Variants in KIAA1217 observed in about 807,000 individuals in gnomAD.
KIAA1217 encodes the protein KIAA1217, also known as sickle tail protein homolog.
Under a neutral mutation model 163.9 loss-of-function variants are expected in KIAA1217, and 88 were observed. The observed-to-expected ratio is 0.54, with a 90% CI of 0.45 to 0.64. The LOEUF (loss-of-function observed/expected upper bound fraction) is 0.64, where lower values mean the gene tolerates loss of function less well. Ranked by LOEUF, KIAA1217 falls within the 30% of genes least tolerant of loss-of-function variation. The pLI, the probability that KIAA1217 is intolerant of heterozygous loss-of-function variation, is 0.00. For missense variants in KIAA1217, 2,372 were observed against 2,475.0 expected, an observed-to-expected ratio of 0.96 and a Z score of 0.88; for synonymous variants, 903 against 923.1, an observed-to-expected ratio of 0.98 and a Z score of 0.39.
intron 2 of KIAA1217, among the ~76,000 whole-genome samples, chr10:24,071,008 G>T (rs1018298826): frequency 6.6e-6 from 1 of 152,048 alleles, no homozygotes; most frequent in South Asian, 2.1e-4. Flanking sequence ...CACAAAAGTA[G>T]ATAGTATATC....
At chr10:24,417,265 A>G (rs2058329638) in intron 3 of KIAA1217, among the ~76,000 whole-genome samples, 1 of 152,164 alleles carries the variant, frequency 6.6e-6, no homozygotes, top group African/African-American at 2.4e-5. Flanking sequence ...GAAGAGGAAC[A>G]GCTGCTGAGA....
At chr10:24,057,514 A>G (rs1243246734) in intron 2 of KIAA1217, among the ~76,000 whole-genome samples, 3 of 152,172 alleles carry the variant, frequency 2.0e-5, no homozygotes, top group African/African-American at 7.2e-5. Flanking sequence ...TATAAGTGGA[A>G]TCATATGGTA....
At chr10:23,891,596 G>A (rs969865961) in intron 1 of KIAA1217, among the ~76,000 whole-genome samples, 15 of 151,902 alleles carry the variant, frequency 9.9e-5, no homozygotes, top group Non-Finnish European at 4.4e-5. Context: ...GAATTCTAAG[G>A]TAATCATGGG....
At chr10:24,218,272 A>C (rs1221880928) in intron 1 of KIAA1217, among the ~76,000 whole-genome samples, 1 of 152,036 alleles carries the variant, frequency 6.6e-6, no homozygotes, top group African/African-American at 2.4e-5. Context: ...GATTCCCTTT[A>C]CATGCTCCCC....
intron 2 of KIAA1217, among the ~76,000 whole-genome samples, chr10:24,098,596 C>T (rs1024246678): frequency 1.3e-5 from 2 of 152,040 alleles, no homozygotes; most frequent in Admixed American, 6.5e-5. Flanking sequence ...AGGGACTAGA[C>T]AAATTTCTCT....
chr10:24,216,039 T>C (rs952099754), intron 1 of KIAA1217, among the ~76,000 whole-genome samples: 1 of 152,292 alleles, frequency 6.6e-6, no homozygotes, highest in African/African-American at 2.4e-5. Flanking sequence ...TGGAGATATT[T>C]TGGAAAAATC....
At chr10:24,232,179 C>T (rs959595563) in intron 2 of KIAA1217, among the ~76,000 whole-genome samples, 7 of 152,256 alleles carry the variant, frequency 4.6e-5, no homozygotes, top group South Asian at 2.1e-4. Context: ...GGACATCTTG[C>T]GGCAGAGACT....
At chr10:23,929,135 G>A (rs1374046793) in intron 1 of KIAA1217, among the ~76,000 whole-genome samples, 1 of 152,020 alleles carries the variant, frequency 6.6e-6, no homozygotes. Context: ...GAGATGGAAT[G>A]TTTATTATTA....
chr10:23,967,423 A>G (rs1246589234), intron 1 of KIAA1217, among the ~76,000 whole-genome samples: 1 of 152,190 alleles, frequency 6.6e-6, no homozygotes, highest in Non-Finnish European at 1.5e-5. Context: ...AAAAGCATGA[A>G]TTTCTTCAGG....
chr10:23,869,053 G>GT lies in KIAA1217; in HGVS notation c.-320-138164dup, dbSNP rs1225399116. ...ATTTTGTCTAAGCAATGCTAAGCAC[G>GT]TTTTTTTTATAAATGTGTTTTCAGT... On this transcript the variant is annotated intron_variant, in intron 1 of 18. Coordinates refer to the KIAA1217 transcript ENST00000376462. 2.1e-4 allele frequency among the ~76,000 whole-genome samples: 26 copies of GT among 124,528 alleles called. No individual in the cohort carries two copies. The Admixed American group carries it at 2.2e-3, about 11-fold the overall frequency. 81.7% of individuals were successfully genotyped at this position (124,528 alleles called of 152,430 possible).
At chr10:24,169,735 G>T (rs767803845) in intron 2 of KIAA1217, among the ~76,000 whole-genome samples, 165 of 152,056 alleles carry the variant, frequency 1.1e-3, no homozygotes, top group Non-Finnish European at 6.9e-4. Context: ...CAAGGAAAAG[G>T]GTGCTTCTCT....
At chr10:24,475,677 A>G (rs2063940064) in intron 6 of KIAA1217, among the ~76,000 whole-genome samples, 1 of 152,244 alleles carries the variant, frequency 6.6e-6, no homozygotes, top group Non-Finnish European at 1.5e-5. Context: ...GTGAAATTCT[A>G]AGCATCAAAG....
intron 2 of KIAA1217, among the ~76,000 whole-genome samples, chr10:24,199,485 A>C (rs917998896): frequency 6.6e-6 from 1 of 152,246 alleles, no homozygotes; most frequent in African/African-American, 2.4e-5. Flanking sequence ...AAGTTTCAAC[A>C]TGAGCTGTGG....
chr10:23,914,183 ACT>A (rs1564528681), intron 1 of KIAA1217, among the ~76,000 whole-genome samples: 1 of 151,680 alleles, frequency 6.6e-6, no homozygotes, highest in East Asian at 1.9e-4. Flanking sequence ...GCAGAGGAAG[ACT>A]CTTCCAGGTG....
Position 24,531,964 on chromosome 10 carries a change from A to G in KIAA1217, c.3217A>G (p.Thr1073Ala), listed in dbSNP as rs766473929. Residue 1073 changes from threonine (T) to alanine (A), a missense_variant, in exon 15 of 21, where the codon ACC becomes GCC. Physicochemically the swap from Thr to Ala is moderately conservative, Grantham distance 58 (BLOSUM62 0). Around this residue, in one of 3 missense-constraint regions of KIAA1217, gnomAD observed 1,431 missense variants for 1,470.3 expected, o/e 0.97. Coordinates refer to ENST00000376454, the MANE Select transcript of KIAA1217 (RefSeq NM_019590.5). ...CACGAGGTCAGGCGATGTGGTCTAC[A>G]CCGGCAGAAAGGAGAACATCACCGC... Reference protein sequence around the residue: ...TTTRSGDVVYTGRKENITAKA... With the variant: ...TTTRSGDVVYAGRKENITAKA... The G allele has an allele frequency of 3.8e-6, 6 of 1,588,512 alleles. No homozygotes were observed. In the South Asian group the frequency reaches 4.6e-5, roughly 12 times the overall value.
chr10:24,156,151 C>T (rs1417300110), intron 2 of KIAA1217, among the ~76,000 whole-genome samples: 2 of 152,146 alleles, frequency 1.3e-5, no homozygotes, highest in South Asian at 2.1e-4. Context: ...ACCTCATCAC[C>T]AGGCCATCAA....
At chr10:24,436,740 A>G (rs2060067607) in intron 4 of KIAA1217, among the ~76,000 whole-genome samples, 1 of 133,174 alleles carries the variant, frequency 7.5e-6, no homozygotes, top group South Asian at 2.7e-4. Flanking sequence ...CCTGGGCGAC[A>G]GAGTGAGACT....
intron 1 of KIAA1217, among the ~76,000 whole-genome samples, chr10:23,723,366 G>C (rs910818177): frequency 4.6e-5 from 7 of 151,762 alleles, no homozygotes; most frequent in African/African-American, 1.7e-4. Flanking sequence ...TTCTCTGGTT[G>C]CTTAATTGTC....
At chr10:23,982,633 G>A (rs1037475276) in intron 1 of KIAA1217, among the ~76,000 whole-genome samples, 10 of 142,212 alleles carry the variant, frequency 7.0e-5, no homozygotes, top group African/African-American at 2.1e-4. Context: ...GCGTGGTCTC[G>A]GCTCACTGCA....
Sources: gnomAD v4.1 joint callset for allele counts (sites outside exome capture counted in the v4.1 genomes callset) on GRCh38, gnomAD v4.1.1 for gene constraint, gnomAD v4.1.1 regional missense constraint, MANE v1.5 for transcripts, NCBI Gene and HGNC (gene_info 2026-07-23, HGNC 2026-07-21) for gene names.